The following TTC39C variants were observed in gnomAD, a reference collection of about 807,000 sequenced individuals.
The protein encoded by TTC39C is tetratricopeptide repeat protein 39C.
Under a neutral mutation model 76.3 loss-of-function variants are expected in TTC39C, and 33 were observed. The ratio of observed to expected loss-of-function variants is 0.43; its 90% confidence interval spans 0.33 to 0.58. The LOEUF is 0.58. Among genes scored for constraint, TTC39C ranks in the 20% least tolerant of loss-of-function variants. The pLI is 0.04. For missense variants in TTC39C, 595 were observed against 701.4 expected, an observed-to-expected ratio of 0.85 and a Z score of 1.71; for synonymous variants, 254 against 260.6, an observed-to-expected ratio of 0.97 and a Z score of 0.24.
chr18:24,045,565 ATTTCTACT>A (rs2083858469), intron 1 of TTC39C, among the ~76,000 whole-genome samples: 1 of 116,786 alleles, frequency 8.6e-6, no homozygotes, highest in Non-Finnish European at 2.0e-5. Context: ...CACTGTCTGT[ATTTCTACT>A]CTGGAACGTA....
At chr18:24,127,503 C>G (rs1290863805) in intron 10 of TTC39C, among the ~76,000 whole-genome samples, 3 of 151,932 alleles carry the variant, frequency 2.0e-5, no homozygotes, top group African/African-American at 7.3e-5. Flanking sequence ...TCCTTTGTGT[C>G]GTTTTTTGTT....
At chr18:24,045,581 G>A (rs995475559) in intron 1 of TTC39C, among the ~76,000 whole-genome samples, 11 of 152,058 alleles carry the variant, frequency 7.2e-5, no homozygotes, top group South Asian at 4.1e-4. Flanking sequence ...ACTCTGGAAC[G>A]TAAACTCCGT....
At chr18:24,064,877 A>G (rs1378106708) in intron 2 of TTC39C, among the ~76,000 whole-genome samples, 1 of 152,070 alleles carries the variant, frequency 6.6e-6, no homozygotes, top group Non-Finnish European at 1.5e-5. Context: ...CACAGGTACC[A>G]CGCCAGCTTC....
At chr18:24,050,503 G>T (rs2083934002) in intron 1 of TTC39C, among the ~76,000 whole-genome samples, 1 of 146,662 alleles carries the variant, frequency 6.8e-6, no homozygotes, top group East Asian at 2.0e-4. Flanking sequence ...GGTCAAGGCT[G>T]CAGTGAGCTG....
rs58098355 is a variant in TTC39C, at chr18:24,027,294, G to A, written c.167+12256G>A. On this transcript the variant is annotated intron_variant, in intron 1 of 13. Coordinates refer to ENST00000317571, the MANE Select transcript of TTC39C (RefSeq NM_001135993.2). ...CTCAAAAGAAAAAAAAAAAGTAATCGGATTAAACTAAAATTCATGCTGCAC... is the reference window on the plus strand; with the variant it reads ...CTCAAAAGAAAAAAAAAAAGTAATCAGATTAAACTAAAATTCATGCTGCAC... Among the ~76,000 whole-genome samples, 413 of 152,008 alleles carry A rather than the reference G, an allele frequency of 2.7e-3. 2 individuals are homozygous for A. The highest frequency in any genetic ancestry group is 9.0e-3 in the African/African-American group (373 of 41,454).
intron 8 of TTC39C, among the ~76,000 whole-genome samples, chr18:24,122,725 G>A (rs565931428): frequency 6.6e-6 from 1 of 152,134 alleles, no homozygotes; most frequent in South Asian, 2.1e-4. Flanking sequence ...AGCAAAGGGA[G>A]GATCATTAAA....
intron 1 of TTC39C, chr18:24,020,200 C>G (rs1165798404): frequency 6.2e-6 from 7 of 1,128,554 alleles, no homozygotes; most frequent in Non-Finnish European, 7.6e-6. Context: ...TCCTCTTCAA[C>G]TCAGTGGTGT....
At chr18:24,006,125 A>T (rs1018958287) in intron 1 of TTC39C, among the ~76,000 whole-genome samples, 3 of 150,864 alleles carry the variant, frequency 2.0e-5, no homozygotes, top group African/African-American at 7.3e-5. Flanking sequence ...CCATCCTCCC[A>T]CCTTAGTCTC....
intron 1 of TTC39C, among the ~76,000 whole-genome samples, chr18:24,029,260 G>A (rs915714734): frequency 4.6e-5 from 7 of 152,064 alleles, no homozygotes; most frequent in African/African-American, 9.7e-5. Flanking sequence ...GTACCACCAC[G>A]CGTGGCTAAG....
At chr18:24,047,519 C>G (rs952208534) in intron 1 of TTC39C, among the ~76,000 whole-genome samples, 1 of 152,122 alleles carries the variant, frequency 6.6e-6, no homozygotes, top group African/African-American at 2.4e-5. Flanking sequence ...CATAAGATGT[C>G]ATTCTTAGAC....
chr18:24,035,949 A>G (rs1326030579), intron 1 of TTC39C, among the ~76,000 whole-genome samples: 3 of 152,032 alleles, frequency 2.0e-5, no homozygotes, highest in African/African-American at 7.2e-5. Context: ...GTGACTTAAT[A>G]TTTTGTATGG....
chr18:24,054,514 TAC>T (rs2083991768), intron 1 of TTC39C, among the ~76,000 whole-genome samples: 1 of 152,216 alleles, frequency 6.6e-6, no homozygotes, highest in African/African-American at 2.4e-5. Context: ...CTCCCCCCTG[TAC>T]ACACACTTGG....
Position 24,125,533 on chromosome 18 carries a change from T to A in TTC39C, c.1403T>A (p.Leu468Gln), listed in dbSNP as rs1025282276. The change falls in exon 10 of 14, where the codon CTG becomes CAG. Residue 468 changes from leucine to glutamine, a missense_variant. Leu to Gln is a moderately radical substitution (Grantham distance 113, BLOSUM62 -2). Transcript: ENST00000317571. ...KALPNCSFPN[L>Q]QRMSQACHEV... The stretch of plus-strand genomic sequence containing the variant: ...CTTCCAAACTGTTCCTTCCCCAACC[T>A]GCAGAGGATGAGTCAAGGTAAAAAA... 3 of 1,614,160 alleles carry A rather than the reference T, an allele frequency of 1.9e-6. No individual in the cohort carries two copies. Among genetic ancestry groups the A allele is most frequent in the Admixed American group, 3.3e-5 (2 of 60,016 alleles).
chr18:24,055,506 G>A (rs757293502), intron 1 of TTC39C, among the ~76,000 whole-genome samples: 5 of 152,134 alleles, frequency 3.3e-5, no homozygotes, highest in Non-Finnish European at 5.9e-5. Flanking sequence ...TTCTGTTCAT[G>A]TGCTTATATA....
intron 1 of TTC39C, chr18:24,016,637 T>C: frequency 2.5e-6 from 1 of 398,542 alleles, no homozygotes; most frequent in Non-Finnish European, 4.4e-6. Context: ...TTGCACTATC[T>C]AAGAAATTTT....
intron 12 of TTC39C, 126 bp downstream of exon 12, chr18:24,130,543 C>T: frequency 3.7e-6 from 1 of 272,894 alleles, no homozygotes; most frequent in Non-Finnish European, 6.4e-6. Flanking sequence ...ATTTTGTTTT[C>T]CTTGGTTTTA....
Position 24,132,775 on chromosome 18 carries a change from A to C in TTC39C, c.*201A>C. On this transcript the variant is annotated 3_prime_UTR_variant, in exon 14 of 14. Coordinates refer to ENST00000317571, the MANE Select transcript of TTC39C (RefSeq NM_001135993.2). ...AAAAGTAATAATGATGTTGAGGAGGATGATGATGGTAATAATAACTAACCA... is the reference window on the plus strand; with the variant it reads ...AAAAGTAATAATGATGTTGAGGAGGCTGATGATGGTAATAATAACTAACCA... The C allele has an allele frequency of 6.5e-6, 3 of 459,194 alleles. No homozygotes were observed. Among genetic ancestry groups the C allele is most frequent in the Non-Finnish European group, 1.1e-5 (3 of 262,028 alleles). 28.4% of individuals were successfully genotyped at this position (459,194 alleles called of 1,614,324 possible).
chr18:24,091,841 G>A (rs1483813640), intron 6 of TTC39C, among the ~76,000 whole-genome samples: 1 of 152,020 alleles, frequency 6.6e-6, no homozygotes, highest in African/African-American at 2.4e-5. Context: ...TGTAATCCCA[G>A]CACTTTGGGA....
chr18:24,118,070 T>A, intron 7 of TTC39C, 55 bp from the exon 8 acceptor site: 2 of 1,417,976 alleles, frequency 1.4e-6, no homozygotes, highest in South Asian at 2.6e-5. Flanking sequence ...GGCTTAAATA[T>A]GGGTCATAGA....
Sources: allele counts gnomAD v4.1 joint callset (sites outside exome capture counted in the v4.1 genomes callset), GRCh38; gene constraint gnomAD v4.1.1; transcripts MANE v1.5; gene names NCBI Gene and HGNC (gene_info 2026-07-23, HGNC 2026-07-21).